ZFYVE21: variants seen among roughly 807,000 people sequenced by gnomAD.
ZFYVE21 encodes the protein zinc finger FYVE-type containing 21.
In ZFYVE21, 21 loss-of-function variants were observed where a neutral mutation model predicts 29.5. The observed-to-expected ratio is 0.71, with a 90% confidence interval of 0.50 to 1.02. The LOEUF (loss-of-function observed/expected upper bound fraction) is 1.02, where lower values mean the gene tolerates loss of function less well. Ranked by LOEUF, ZFYVE21 falls within the 50% of genes least tolerant of loss-of-function variation. The probability of loss-of-function intolerance (pLI) is 0.00; values close to 1 mark genes in which losing one functional copy is unlikely to be tolerated. For missense variants in ZFYVE21, 326 were observed against 335.4 expected, an observed-to-expected ratio of 0.97 and a Z score of 0.22; for synonymous variants, 151 against 133.8, an observed-to-expected ratio of 1.13 and a Z score of -0.89.
chr14:103,723,712 G>A (rs1361054073), intron 1 of ZFYVE21, among the ~76,000 whole-genome samples: 1 of 152,192 alleles, frequency 6.6e-6, no homozygotes, highest in Non-Finnish European at 1.5e-5. Context: ...GTGGCTGTGG[G>A]CCCCATAGGA....
chr14:103,720,472 C>T (rs1236703111), intron 1 of ZFYVE21, among the ~76,000 whole-genome samples: 5 of 152,164 alleles, frequency 3.3e-5, no homozygotes, highest in African/African-American at 7.2e-5. Flanking sequence ...GCTCAGAGTG[C>T]GTGGTGGGGC....
Position 103,733,069 on chromosome 14 carries a change from C to G in ZFYVE21, c.*51C>G. 1.9e-6 allele frequency: 3 copies of G among 1,612,676 alleles called. No homozygotes were observed. The highest frequency in any genetic ancestry group is 3.3e-4 in the Middle Eastern group (2 of 6,060). On this transcript the variant is annotated 3_prime_UTR_variant, in exon 7 of 7. Coordinates refer to ENST00000311141, the MANE Select transcript of ZFYVE21 (RefSeq NM_024071.4). ...ACGTGTGGTCACCAGGACTGAGTCGCTTGGAACAGCAGAGCCTGCTCCTTG... is the reference window on the plus strand; with the variant it reads ...ACGTGTGGTCACCAGGACTGAGTCGGTTGGAACAGCAGAGCCTGCTCCTTG...
chr14:103,726,557 T>C, intron 1 of ZFYVE21: 1 of 544,998 alleles, frequency 1.8e-6, no homozygotes, highest in Non-Finnish European at 3.3e-6. Flanking sequence ...GCCCCATGGT[T>C]ACGCTGGGTG....
At chr14:103,725,320 T>C (rs1026542648) in intron 1 of ZFYVE21, 1 of 152,284 alleles carries the variant, frequency 6.6e-6, no homozygotes, top group African/African-American at 2.4e-5. Flanking sequence ...ATGAGGAGGT[T>C]CGAGCTAGGA....
rs2084004648 is a variant in ZFYVE21 at position 103,733,291 on chromosome 14, A to G, written c.*273A>G. 2.3e-6 allele frequency: 1 copy of G among 434,136 alleles called. No homozygotes were observed. The highest frequency in any genetic ancestry group is 2.0e-5 in the African/African-American group (1 of 49,724). The allele number at this position is 434,136 out of a possible 1,614,324, so 26.9% of individuals were successfully genotyped here. ...GACTGAGCTACACTACTGCTAAACT[A>G]TTTTTAGCATAATATATACCATTTT... On this transcript the variant is annotated 3_prime_UTR_variant, in exon 7 of 7. Transcript: ENST00000311141.
rs1334779464 is a variant in ZFYVE21 at position 103,732,651 on chromosome 14, G to A, written c.558G>A (p.Leu186=). Reference sequence around the variant, plus strand: ...ACGCACGGGCCACAGGCATGTTCCTGCAGTATACAGTGCCGGGGACGGAGG... The same window carrying A: ...ACGCACGGGCCACAGGCATGTTCCTACAGTATACAGTGCCGGGGACGGAGG... ...GGNARATGMF[L]QYTVPGTEGV... Residue 186 remains leucine (L), a synonymous_variant, in exon 6 of 7, where the codon CTG becomes CTA. Transcript: ENST00000311141. 4 of 1,606,978 alleles carry A rather than the reference G, an allele frequency of 2.5e-6. No individual in the cohort carries two copies. Among genetic ancestry groups the A allele is most frequent in the East Asian group, 2.2e-5 (1 of 44,854 alleles).
chr14:103,716,921 A>C lies in ZFYVE21; in HGVS notation c.138+942A>C, dbSNP rs1307603203. ...CACGATAAAAAAAAAATTGGGGGAG[A>C]AAAAGAATTTTTGTAATATGACTTT... On this transcript the variant is annotated intron_variant, in intron 1 of 6. Coordinates refer to ENST00000311141, the MANE Select transcript of ZFYVE21 (RefSeq NM_024071.4). This position sits in a 1 kb window ranked among gnomAD's most constrained non-coding sequence, Gnocchi z 4.8. Among the ~76,000 whole-genome samples, 5 of 152,176 alleles carry C rather than the reference A, an allele frequency of 3.3e-5. No individual in the cohort carries two copies. Among genetic ancestry groups the C allele is most frequent in the Admixed American group, 6.5e-5 (1 of 15,278 alleles).
In ZFYVE21 at chr14:103,729,043, G is replaced by A. The variant is rs753208483; in HGVS notation, c.435-48G>A. The A allele has an allele frequency of 1.1e-5, 17 of 1,613,368 alleles. 1 individual carries two copies. The South Asian group carries it at 1.9e-4, about 18-fold the overall frequency. On this transcript the variant is annotated intron_variant, in intron 4 of 6. Transcript: ENST00000311141. The stretch of plus-strand genomic sequence containing the variant: ...TTGTCACAGACCGGGAGCCTCGGTG[G>A]CACTGAGCCTGAGAATGACCCGATT...
chr14:103,732,999 A>G lies in ZFYVE21; in HGVS notation c.686A>G (p.Tyr229Cys), dbSNP rs375552538. 40 of 1,614,094 alleles carry G rather than the reference A, an allele frequency of 2.5e-5. No individual in the cohort carries two copies. The highest frequency in any genetic ancestry group is 5.3e-5 in the African/African-American group (4 of 75,036). ...GATCTGCAGGCTGCCAAGCTCCTCT[A>G]TGAATCTCGGGACCAGTAACTCTAC... Reference protein sequence around the residue: ...VAMHKAAKLLYESRDQ With the variant: ...VAMHKAAKLLCESRDQ Residue 229 changes from tyrosine (Y) to cysteine (C), a missense_variant, in exon 7 of 7, where the codon TAT becomes TGT. Transcript: ENST00000311141.
At chr14:103,732,948 C>T in intron 6 of ZFYVE21, 35 bp from the exon 7 acceptor site, 1 of 1,614,034 alleles carries the variant, frequency 6.2e-7, no homozygotes, top group Non-Finnish European at 8.5e-7. Context: ...CAGGACCAAG[C>T]AGGCCTCACT....
intron 6 of ZFYVE21, 32 bp downstream of exon 6, chr14:103,732,794 C>CT: frequency 6.2e-7 from 1 of 1,606,946 alleles, no homozygotes. Flanking sequence ...AGGCTGGGCC[C>CT]TTTGGCTTAG....
rs1397617492 is a variant in ZFYVE21 at position 103,729,089 on chromosome 14, A to G, written c.435-2A>G. The stretch of plus-strand genomic sequence containing the variant: ...CGATTTGGACACTTTTATTTGATGT[A>G]GATACTTGTTTCTGGATGGAGACAG... On this transcript the variant is annotated splice_acceptor_variant, in intron 4 of 6. Transcript: ENST00000311141. LOFTEE classifies it high-confidence loss of function. The G allele has an allele frequency of 6.2e-7, 1 of 1,614,006 alleles. No homozygotes were observed. The highest frequency in any genetic ancestry group is 8.5e-7 in the Non-Finnish European group (1 of 1,180,020).
Position 103,716,901 on chromosome 14 carries a change from TAAAA to T in ZFYVE21, c.138+929_138+932del, listed in dbSNP as rs921238004. On this transcript the variant is annotated intron_variant, in intron 1 of 6. Coordinates refer to ENST00000311141, the MANE Select transcript of ZFYVE21 (RefSeq NM_024071.4). The surrounding 1 kb of genome is among the most constrained non-coding windows in gnomAD (Gnocchi z 4.8). ...TTCTGTTCTGTGGATTTTACCACGA[TAAAA>T]AAAAAATTGGGGGAGAAAAAGAATT... Among the ~76,000 whole-genome samples, 4 of 149,918 alleles carry T rather than the reference TAAAA, an allele frequency of 2.7e-5. No individual in the cohort carries two copies. The highest frequency in any genetic ancestry group is 5.9e-5 in the Non-Finnish European group (4 of 67,336).
Position 103,732,350 on chromosome 14 carries a change from G to T in ZFYVE21, c.527-270G>T. On this transcript the variant is annotated intron_variant, in intron 5 of 6. Coordinates refer to ENST00000311141, the MANE Select transcript of ZFYVE21 (RefSeq NM_024071.4). Reference sequence around the variant, plus strand: ...ATTAGCCGAGAGCAAGGCCTCTCGTGGTGATGTGGCTCTTGTTGTTTGTCC... The same window carrying T: ...ATTAGCCGAGAGCAAGGCCTCTCGTTGTGATGTGGCTCTTGTTGTTTGTCC... 3 of 357,786 alleles carry T rather than the reference G, an allele frequency of 8.4e-6. No individual in the cohort carries two copies. The East Asian group carries it at 1.4e-4, about 16-fold the overall frequency. The allele number at this position is 357,786 out of a possible 1,614,324, so 22.2% of individuals were successfully genotyped here. A position where few individuals can be genotyped will look rare whatever the true frequency, so the allele number is the denominator to read the frequency against.
rs770583060 is a variant in ZFYVE21 at position 103,728,863 on chromosome 14, A to G, written c.359-45A>G. 2.5e-6 allele frequency: 4 copies of G among 1,601,686 alleles called. No homozygotes were observed. The South Asian group carries it at 3.3e-5, about 13-fold the overall frequency. ...GGTACTCGTGGGAAGGGTTAGGTGG[A>G]AAAGAAGCAGGCCCTGTTCTCACGT... On this transcript the variant is annotated intron_variant, in intron 3 of 6. Coordinates refer to ENST00000311141, the MANE Select transcript of ZFYVE21 (RefSeq NM_024071.4).
At position 103,716,085 on chromosome 14, in the gene ZFYVE21, C is replaced by G. The variant is rs1595685603; in HGVS notation, c.138+106C>G. 3.1e-5 allele frequency: 33 copies of G among 1,076,608 alleles called. No homozygotes were observed. The East Asian group carries it at 1.5e-3, about 48-fold the overall frequency. The allele number at this position is 1,076,608 out of a possible 1,614,324, so 66.7% of individuals were successfully genotyped here. A position where few individuals can be genotyped will look rare whatever the true frequency, so the allele number is the denominator to read the frequency against. The stretch of plus-strand genomic sequence containing the variant: ...GACGACCCCTCCGCCTCCGGGCGGC[C>G]CCTTCCCCAGCCGGCCCCCGCCCCC... On this transcript the variant is annotated intron_variant, in intron 1 of 6. Transcript: ENST00000311141. The surrounding 1 kb of genome is among the most constrained non-coding windows in gnomAD (Gnocchi z 4.8).
chr14:103,733,138 C>A lies in ZFYVE21; in HGVS notation c.*120C>A. Reference sequence around the variant, plus strand: ...CCTGCTTGTGCTGGGAAATGCAACTCACTCATGTATTTGGAGAAACAGGAG... The same window carrying A: ...CCTGCTTGTGCTGGGAAATGCAACTAACTCATGTATTTGGAGAAACAGGAG... On this transcript the variant is annotated 3_prime_UTR_variant, in exon 7 of 7. Transcript: ENST00000311141. 7.5e-7 allele frequency: 1 copy of A among 1,337,488 alleles called. No homozygotes were observed. The highest frequency in any genetic ancestry group is 1.3e-5 in the South Asian group (1 of 79,846). 82.9% of individuals were successfully genotyped at this position (1,337,488 alleles called of 1,614,324 possible). A position where few individuals can be genotyped will look rare whatever the true frequency, so the allele number is the denominator to read the frequency against.
intron 2 of ZFYVE21, 105 bp downstream of exon 2, chr14:103,726,947 C>CATTTTTTTTTTT (rs1555430527): frequency 2.9e-6 from 2 of 679,994 alleles, no homozygotes; most frequent in Non-Finnish European, 4.3e-6. Flanking sequence ...TCTTATGGCT[C>CATTTTTTTTTTT]GTTTTTTTTT....
At chr14:103,726,540 AC>A (rs1348279109) in intron 1 of ZFYVE21, 1 of 490,006 alleles carries the variant, frequency 2.0e-6, no homozygotes, top group Non-Finnish European at 3.7e-6. Context: ...CCCCAAGCCC[AC>A]CTCAGGCCCC....
Sources: gnomAD v4.1 joint callset for allele counts (sites outside exome capture counted in the v4.1 genomes callset) on GRCh38, gnomAD v4.1.1 for gene constraint, Gnocchi (gnomAD v3.1) non-coding constraint, MANE v1.5 for transcripts, NCBI Gene and HGNC (gene_info 2026-07-23, HGNC 2026-07-21) for gene names.